Variants in POU2F1 observed in about 807,000 individuals in gnomAD.
The protein encoded by POU2F1 is POU domain, class 2, transcription factor 1.
POU2F1 carries 16 observed loss-of-function variants against 84.9 expected under a neutral mutation model. The observed-to-expected ratio is 0.19, with a 90% confidence interval of 0.13 to 0.29. POU2F1 has a LOEUF of 0.29. POU2F1 is among the 10% of genes least tolerant of loss of function. POU2F1 has a pLI of 1.00. For synonymous variants in POU2F1, 368 were observed against 368.3 expected (o/e 1.00, Z 0.01); for missense variants, 738 against 942.6 (o/e 0.78, Z 2.84).
intron 1 of POU2F1, among the ~76,000 whole-genome samples, chr1:167,267,528 A>C (rs1376312925): frequency 1.3e-5 from 2 of 151,660 alleles, no homozygotes; most frequent in Non-Finnish European, 2.9e-5. Context: ...AAATACCTAA[A>C]ATTGGCCAGA....
chr1:167,405,665 G>C (rs1187155451), intron 13 of POU2F1, among the ~76,000 whole-genome samples: 1 of 152,104 alleles, frequency 6.6e-6, no homozygotes, highest in East Asian at 1.9e-4. Flanking sequence ...TCCAGCTTGA[G>C]AACAGAGCGA....
chr1:167,256,125 A>C (rs1651116946), intron 1 of POU2F1, among the ~76,000 whole-genome samples: 1 of 152,216 alleles, frequency 6.6e-6, no homozygotes, highest in African/African-American at 2.4e-5. Flanking sequence ...TGTAGGAGAA[A>C]GATTCTTTGT....
intron 1 of POU2F1, among the ~76,000 whole-genome samples, chr1:167,293,297 C>T (rs1654050517): frequency 6.6e-6 from 1 of 152,158 alleles, no homozygotes. Context: ...GTTACAAAAT[C>T]AGTGTTTACA....
chr1:167,401,499 A>G lies in POU2F1; in HGVS notation c.1498A>G (p.Thr500Ala), dbSNP rs1239854011. The G allele has an allele frequency of 6.2e-7, 1 of 1,613,248 alleles. No individual in the cohort carries two copies. Among genetic ancestry groups the G allele is most frequent in the Non-Finnish European group, 8.5e-7 (1 of 1,179,758 alleles). ...LVTSSAATTLTVSPVLPLTSA... is the reference protein window; with the variant it reads ...LVTSSAATTLAVSPVLPLTSA... The stretch of plus-strand genomic sequence containing the variant: ...GACTAGCAGTGCAGCAACTACCCTC[A>G]CAGTCAGCCCTGTCCTCCCTCTGAC... The change falls in exon 13 of 16, where the codon ACA becomes GCA. Residue 500 changes from threonine to alanine, a missense_variant. Thr to Ala is a moderately conservative substitution (Grantham distance 58). Around this residue, in one of 4 missense-constraint regions of POU2F1, gnomAD observed 319 missense variants for 386.0 expected, o/e 0.83. Coordinates refer to ENST00000367866, the MANE Select transcript of POU2F1 (RefSeq NM_002697.4).
At chr1:167,381,385 G>T (rs1473522338) in intron 7 of POU2F1, among the ~76,000 whole-genome samples, 1 of 151,538 alleles carries the variant, frequency 6.6e-6, no homozygotes, top group African/African-American at 2.4e-5. Context: ...GCCTGGCCAA[G>T]CATTGGTTTT....
At chr1:167,391,231 C>T (rs902394988) in intron 9 of POU2F1, among the ~76,000 whole-genome samples, 9 of 151,754 alleles carry the variant, frequency 5.9e-5, no homozygotes, top group South Asian at 4.2e-4. Flanking sequence ...TGAGCCACTG[C>T]GCCCAGCCTG....
chr1:167,368,357 C>T (rs192405261), intron 3 of POU2F1, among the ~76,000 whole-genome samples: 7 of 149,232 alleles, frequency 4.7e-5, no homozygotes, highest in Admixed American at 2.0e-4. Context: ...ATTCAGAAGC[C>T]GTATCATATT....
intron 2 of POU2F1, among the ~76,000 whole-genome samples, chr1:167,344,226 A>AGT (rs1427726256): frequency 6.6e-6 from 1 of 152,206 alleles, no homozygotes; most frequent in Non-Finnish European, 1.5e-5. Context: ...TCTATTGGAC[A>AGT]GTGCTTAAGT....
In POU2F1 at chr1:167,418,624, G is replaced by C. The variant is rs1650452744; in HGVS notation, c.*2814G>C. The C allele has an allele frequency of 6.6e-6, 1 of 152,160 alleles. No homozygotes were observed. Among genetic ancestry groups the C allele is most frequent in the African/African-American group, 2.4e-5 (1 of 41,440 alleles). 9.4% of individuals were successfully genotyped at this position (152,160 alleles called of 1,614,324 possible). On this transcript the variant is annotated 3_prime_UTR_variant, in exon 16 of 16. Coordinates refer to ENST00000367866, the MANE Select transcript of POU2F1 (RefSeq NM_002697.4). ...TCCCAAGGGACTCAAGCTCAGTGAG[G>C]TAAGACAAAGGGCAAGGAAAGGCTG...
chr1:167,283,012 T>G (rs999652879), intron 1 of POU2F1, among the ~76,000 whole-genome samples: 2 of 152,252 alleles, frequency 1.3e-5, no homozygotes, highest in African/African-American at 4.8e-5. Flanking sequence ...AGAATAATTG[T>G]GCTTGGCACA....
At chr1:167,364,336 C>T (rs1021238513) in intron 2 of POU2F1, among the ~76,000 whole-genome samples, 5 of 151,120 alleles carry the variant, frequency 3.3e-5, no homozygotes, top group African/African-American at 1.2e-4. Flanking sequence ...CGAGACCATC[C>T]CGGCTATAAC....
intron 7 of POU2F1, among the ~76,000 whole-genome samples, chr1:167,378,885 T>G (rs1453593373): frequency 1.3e-5 from 2 of 151,994 alleles, no homozygotes; most frequent in African/African-American, 4.8e-5. Flanking sequence ...CCCAAGGAGC[T>G]GGGATTACAG....
intron 2 of POU2F1, chr1:167,357,380 C>CCCA (rs1659027438): frequency 1.0e-3 from 3 of 3,002 alleles, no homozygotes; most frequent in Non-Finnish European, 1.6e-3. Flanking sequence ...CCCCCCCCCA[C>CCCA]CCCCCCCCGC....
rs190117145 is a variant in POU2F1, at chr1:167,288,640, T to C, written c.62-43830T>C. Among the ~76,000 whole-genome samples, 995 of 152,302 alleles carry C rather than the reference T, an allele frequency of 6.5e-3. 5 individuals carry two copies. The highest frequency in any genetic ancestry group is 0.014 in the Middle Eastern group (4 of 294). On this transcript the variant is annotated intron_variant, in intron 1 of 15. Coordinates refer to ENST00000367866, the MANE Select transcript of POU2F1 (RefSeq NM_002697.4). ...AGTTTGAGGTTACAGTGAATTGTTA[T>C]CAGGCCACTGCACTCCAGCCTGGGT...
chr1:167,242,153 C>T (rs569144436), intron 1 of POU2F1, among the ~76,000 whole-genome samples: 1 of 152,244 alleles, frequency 6.6e-6, no homozygotes, highest in East Asian at 1.9e-4. Flanking sequence ...TTCATTTACA[C>T]TTTTATTAAG....
At chr1:167,364,821 G>T (rs1340914634) in intron 2 of POU2F1, among the ~76,000 whole-genome samples, 4 of 151,848 alleles carry the variant, frequency 2.6e-5, no homozygotes, top group African/African-American at 4.8e-5. Context: ...TACCCACCTT[G>T]GCCTCCCAAA....
intron 1 of POU2F1, among the ~76,000 whole-genome samples, chr1:167,245,728 A>G (rs1306024306): frequency 1.3e-5 from 2 of 152,112 alleles, no homozygotes; most frequent in Non-Finnish European, 2.9e-5. Context: ...AATTAAAAAA[A>G]AAACTTTTTT....
intron 1 of POU2F1, among the ~76,000 whole-genome samples, chr1:167,268,300 A>G (rs1175707393): frequency 2.0e-5 from 3 of 152,072 alleles, no homozygotes; most frequent in Non-Finnish European, 4.4e-5. Flanking sequence ...TTACTTTCCA[A>G]CTCCCTTAAA....
intron 1 of POU2F1, chr1:167,319,156 CA>C: frequency 6.5e-6 from 1 of 153,920 alleles, no homozygotes; most frequent in East Asian, 1.9e-4. Context: ...GGGATCCTCC[CA>C]AAACCTCTTC....
Sources: allele counts gnomAD v4.1 joint callset (sites outside exome capture counted in the v4.1 genomes callset), GRCh38; gene constraint gnomAD v4.1.1; regional missense constraint gnomAD v4.1.1; transcripts MANE v1.5; gene names NCBI Gene and HGNC (gene_info 2026-07-23, HGNC 2026-07-21).